Variants in AKT3 observed in about 807,000 individuals in gnomAD.
AKT3 encodes the protein RAC-gamma serine/threonine-protein kinase.
A neutral mutation model predicts 65.3 loss-of-function variants in AKT3; 15 were observed. That is an observed-to-expected ratio of 0.23 (90% CI 0.15 to 0.35). AKT3 has a LOEUF of 0.35. Ranked by LOEUF, AKT3 falls within the 10% of genes least tolerant of loss-of-function variation. The pLI is 1.00. For synonymous variants in AKT3, 206 were observed against 183.8 expected, an observed-to-expected ratio of 1.12 and a Z score of -0.98; for missense variants, 243 against 576.5, an observed-to-expected ratio of 0.42 and a Z score of 5.92.
Position 243,695,632 on chromosome 1 carries a change from T to C in AKT3, c.131A>G (p.Asp44Gly), listed in dbSNP as rs1220113079. 6.2e-7 allele frequency: 1 copy of C among 1,607,652 alleles called. No homozygotes were observed. Among genetic ancestry groups the C allele is most frequent in the Non-Finnish European group, 8.5e-7 (1 of 1,176,140 alleles). Residue 44 changes from aspartate to glycine, a missense_variant, in exon 3 of 14, where the codon GAT becomes GGT. Around this residue, in one of 6 missense-constraint regions of AKT3, gnomAD observed 29 missense variants for 91.3 expected, o/e 0.32. Coordinates refer to ENST00000673466, the MANE Select transcript of AKT3 (RefSeq NM_005465.7). ...SFIGYKEKPQ[D>G]VDLPYPLNNF... ...GTTGAGGGGATAAGGTAAATCCACATCTTGAGGTTTCTCTTTATATCCTAT... is the reference window on the plus strand; with the variant it reads ...GTTGAGGGGATAAGGTAAATCCACACCTTGAGGTTTCTCTTTATATCCTAT...
Position 243,511,656 on chromosome 1 carries a change from T to C in AKT3, c.1354+668A>G, listed in dbSNP as rs559270930. On this transcript the variant is annotated intron_variant, in intron 13 of 13. Coordinates refer to ENST00000673466, the MANE Select transcript of AKT3 (RefSeq NM_005465.7). ...AAGTTAATGATGATACACACAGACC[T>C]CTGTCAGCATGAAAATGTTTATCAA... 5.3e-5 allele frequency among the ~76,000 whole-genome samples: 8 copies of C among 152,312 alleles called. No individual in the cohort carries two copies. The South Asian group carries it at 1.7e-3, about 32-fold the overall frequency.
intron 2 of AKT3, among the ~76,000 whole-genome samples, chr1:243,795,467 T>TTG (rs1558817931): frequency 3.1e-5 from 3 of 98,038 alleles, no homozygotes; most frequent in African/African-American, 9.3e-5. Context: ...TTTTTGTTTT[T>TTG]TTTTTTTGGT....
At chr1:243,588,714 C>G (rs543831229) in intron 8 of AKT3, among the ~76,000 whole-genome samples, 20 of 152,210 alleles carry the variant, frequency 1.3e-4, no homozygotes, top group Non-Finnish European at 5.9e-5. Flanking sequence ...GGAGTCTTAT[C>G]TTTCATCATA....
chr1:243,505,444 G>T (rs1669604903), intron 13 of AKT3, 110 bp from the exon 14 acceptor site: 1 of 844,632 alleles, frequency 1.2e-6, no homozygotes, highest in Non-Finnish European at 1.9e-6. Context: ...AGAGGCAATA[G>T]CTCCCATAAA....
At chr1:243,691,899 G>T (rs1684714261) in intron 3 of AKT3, among the ~76,000 whole-genome samples, 1 of 152,176 alleles carries the variant, frequency 6.6e-6, no homozygotes, top group East Asian at 1.9e-4. Flanking sequence ...AGTACAAAGT[G>T]TGAAGGGTCT....
chr1:243,742,258 AT>A (rs1286725402), intron 2 of AKT3, among the ~76,000 whole-genome samples: 2 of 152,224 alleles, frequency 1.3e-5, no homozygotes, highest in African/African-American at 4.8e-5. Flanking sequence ...TAAATTGAAA[AT>A]TTTTTTAAAA....
chr1:243,739,085 C>T (rs1450423371), intron 2 of AKT3, among the ~76,000 whole-genome samples: 2 of 152,150 alleles, frequency 1.3e-5, no homozygotes, highest in Non-Finnish European at 2.9e-5. Context: ...TCATGGTGAT[C>T]TCTCATCTAG....
chr1:243,539,725 C>T (rs1053425405), intron 12 of AKT3, among the ~76,000 whole-genome samples: 7 of 152,132 alleles, frequency 4.6e-5, no homozygotes, highest in Admixed American at 4.6e-4. Context: ...TTAATCAACA[C>T]ACTTACAAAT....
chr1:243,606,056 T>C (rs534489955), intron 8 of AKT3, among the ~76,000 whole-genome samples: 1 of 152,270 alleles, frequency 6.6e-6, no homozygotes, highest in Admixed American at 6.5e-5. Context: ...CGATTGTAGG[T>C]TTCCTAAGGT....
intron 11 of AKT3, chr1:243,548,297 A>C (rs1672815488): frequency 6.6e-6 from 1 of 152,248 alleles, no homozygotes; most frequent in Non-Finnish European, 1.5e-5. Context: ...GTGGAGAATC[A>C]TAATCATTTT....
intron 2 of AKT3, among the ~76,000 whole-genome samples, chr1:243,717,838 C>T (rs1398157590): frequency 6.6e-6 from 1 of 152,172 alleles, no homozygotes; most frequent in Non-Finnish European, 1.5e-5. Context: ...TGAACTAGTT[C>T]TTTTGACTTC....
Position 243,505,066 on chromosome 1 carries a change from G to A in AKT3, c.*183C>T. ...CAATTTCATGCAAAAACAAAAACTG[G>A]AGTGTATTTGCGTGTATGTGTGTTT... On this transcript the variant is annotated 3_prime_UTR_variant, in exon 14 of 14. Transcript: ENST00000673466. The A allele has an allele frequency of 1.8e-6, 1 of 556,076 alleles. No homozygotes were observed. Among genetic ancestry groups the A allele is most frequent in the South Asian group, 2.5e-5 (1 of 39,840 alleles). 34.4% of individuals were successfully genotyped at this position (556,076 alleles called of 1,614,324 possible).
At chr1:243,523,456 A>G (rs182538884) in intron 12 of AKT3, among the ~76,000 whole-genome samples, 55 of 152,318 alleles carry the variant, frequency 3.6e-4, no homozygotes, top group Admixed American at 4.6e-4. Flanking sequence ...ATGATCTGAA[A>G]TACTCTATTC....
intron 2 of AKT3, among the ~76,000 whole-genome samples, chr1:243,827,250 T>C (rs1162982040): frequency 6.6e-6 from 1 of 152,088 alleles, no homozygotes; most frequent in African/African-American, 2.4e-5. Context: ...TAAAAGTATC[T>C]CTTCCACCAT....
At chr1:243,736,890 T>C (rs1033851891) in intron 2 of AKT3, among the ~76,000 whole-genome samples, 6 of 152,200 alleles carry the variant, frequency 3.9e-5, no homozygotes, top group African/African-American at 9.7e-5. Context: ...TGGCATTTCA[T>C]AGACACAAGT....
At chr1:243,699,692 G>A (rs191919989) in intron 2 of AKT3, among the ~76,000 whole-genome samples, 3 of 151,554 alleles carry the variant, frequency 2.0e-5, no homozygotes, top group African/African-American at 7.3e-5. Context: ...CCTAATCCCA[G>A]GAACCTGTGA....
chr1:243,842,755 T>C (rs906161752), intron 2 of AKT3, among the ~76,000 whole-genome samples: 25 of 152,210 alleles, frequency 1.6e-4, no homozygotes, highest in African/African-American at 5.3e-4. Context: ...CTTATTTATA[T>C]ATTTACATGT....
intron 2 of AKT3, among the ~76,000 whole-genome samples, chr1:243,792,635 A>G (rs1691700332): frequency 6.6e-6 from 1 of 152,094 alleles, no homozygotes; most frequent in Admixed American, 6.6e-5. Context: ...TACATGGGGG[A>G]GGGGAGAAGA....
intron 2 of AKT3, among the ~76,000 whole-genome samples, chr1:243,766,785 G>C (rs1689855359): frequency 6.6e-6 from 1 of 152,164 alleles, no homozygotes; most frequent in Non-Finnish European, 1.5e-5. Context: ...AACATAAATA[G>C]CATGTATTTT....
Sources: gnomAD v4.1 joint callset for allele counts (sites outside exome capture counted in the v4.1 genomes callset) on GRCh38, gnomAD v4.1.1 for gene constraint, gnomAD v4.1.1 regional missense constraint, MANE v1.5 for transcripts, NCBI Gene and HGNC (gene_info 2026-07-23, HGNC 2026-07-21) for gene names.